The following SRGAP3 variants were observed in gnomAD, a reference collection of about 807,000 sequenced individuals.
The protein encoded by SRGAP3 is SLIT-ROBO Rho GTPase-activating protein 3.
A neutral mutation model predicts 121.1 loss-of-function variants in SRGAP3; 39 were observed. The ratio of observed to expected loss-of-function variants is 0.32; its 90% CI spans 0.25 to 0.42. The LOEUF (loss-of-function observed/expected upper bound fraction) is 0.42, where lower values mean the gene tolerates loss of function less well. SRGAP3 is among the 10% of genes least tolerant of loss of function. The pLI, the probability that SRGAP3 is intolerant of heterozygous loss-of-function variation, is 1.00. For missense variants in SRGAP3, 1,213 were observed against 1,470.6 expected, an observed-to-expected ratio of 0.82 and a Z score of 2.86; for synonymous variants, 601 against 570.0, an observed-to-expected ratio of 1.05 and a Z score of -0.77.
intron 4 of SRGAP3, among the ~76,000 whole-genome samples, chr3:9,065,090 A>G (rs1399415881): frequency 6.6e-6 from 1 of 152,132 alleles, no homozygotes; most frequent in Non-Finnish European, 1.5e-5. Flanking sequence ...TCCTTCTTAC[A>G]CACAAATCAT....
intron 1 of SRGAP3, among the ~76,000 whole-genome samples, chr3:9,246,796 G>A (rs900428689): frequency 2.0e-5 from 3 of 152,162 alleles, no homozygotes; most frequent in African/African-American, 7.2e-5. Context: ...AATTCTAAAG[G>A]AATAAGATGT....
intron 1 of SRGAP3, among the ~76,000 whole-genome samples, chr3:9,221,750 C>T (rs1468159488): frequency 6.6e-6 from 1 of 152,152 alleles, no homozygotes; most frequent in Non-Finnish European, 1.5e-5. Context: ...CTGACAAGGT[C>T]AGTCCACACA....
intron 18 of SRGAP3, among the ~76,000 whole-genome samples, chr3:9,005,389 T>C (rs183064700): frequency 1.7e-3 from 252 of 152,338 alleles, no homozygotes; most frequent in Non-Finnish European, 2.8e-3. Context: ...ATGACTGACA[T>C]AGAGTTAGCA....
chr3:9,317,509 C>T (rs527286600), intron 3 of SRGAP3, among the ~76,000 whole-genome samples: 22 of 152,350 alleles, frequency 1.4e-4, no homozygotes, highest in African/African-American at 5.0e-4. Context: ...TGGGTAAAAT[C>T]AGAAGCTCTC....
upstream of SRGAP3, among the ~76,000 whole-genome samples, chr3:9,250,899 G>A (rs538746252): frequency 3.3e-5 from 5 of 152,316 alleles, no homozygotes; most frequent in East Asian, 1.9e-4. Flanking sequence ...CTAAAGAGTC[G>A]CTGATCACTG....
rs956621501 is a variant in SRGAP3 at position 9,070,780 on chromosome 3, T to C, written c.487-6199A>G. Among the ~76,000 whole-genome samples the C allele has an allele frequency of 8.5e-5, 13 of 152,312 alleles. No individual in the cohort carries two copies. In the East Asian group the frequency reaches 1.7e-3, roughly 20 times the overall value. ...TGTACCATCAATCATTAAATATTTATTGAGCAGTTCATTATGTGCCAGGTA... is the reference window on the plus strand; with the variant it reads ...TGTACCATCAATCATTAAATATTTACTGAGCAGTTCATTATGTGCCAGGTA... On this transcript the variant is annotated intron_variant, in intron 4 of 21. Coordinates refer to ENST00000383836, the MANE Select transcript of SRGAP3 (RefSeq NM_014850.4).
chr3:9,361,732 G>C (rs560814654), intron 1 of SRGAP3, among the ~76,000 whole-genome samples: 3 of 152,262 alleles, frequency 2.0e-5, no homozygotes, highest in African/African-American at 7.2e-5. Flanking sequence ...CCACCAGCCT[G>C]ATGCTGACCC....
chr3:9,010,868 G>A (rs1178967529), intron 17 of SRGAP3, among the ~76,000 whole-genome samples: 1 of 152,166 alleles, frequency 6.6e-6, no homozygotes, highest in Admixed American at 6.5e-5. Flanking sequence ...GCATGCAAAA[G>A]CCCCGACTGA....
At chr3:9,184,093 C>G (rs1951520637) in intron 1 of SRGAP3, among the ~76,000 whole-genome samples, 1 of 152,184 alleles carries the variant, frequency 6.6e-6, no homozygotes, top group Non-Finnish European at 1.5e-5. Context: ...GGAGTCCCCT[C>G]TGTAAAGGGG....
At chr3:9,093,399 A>G (rs924471525) in intron 3 of SRGAP3, among the ~76,000 whole-genome samples, 2 of 151,846 alleles carry the variant, frequency 1.3e-5, no homozygotes. Flanking sequence ...ATACTCACCC[A>G]CCCATCCATT....
intron 10 of SRGAP3, among the ~76,000 whole-genome samples, chr3:9,041,641 C>T (rs549298104): frequency 6.6e-6 from 1 of 152,362 alleles, no homozygotes; most frequent in Non-Finnish European, 1.5e-5. Flanking sequence ...CTAGATCTCA[C>T]TCACCAACTA....
chr3:9,150,360 G>A (rs887029932), intron 1 of SRGAP3, among the ~76,000 whole-genome samples: 4 of 151,844 alleles, frequency 2.6e-5, no homozygotes, highest in Admixed American at 2.0e-4. Flanking sequence ...GAGGAAAAGG[G>A]AGCCTGGAGA....
chr3:9,024,858 CA>C (rs971586433), intron 14 of SRGAP3, among the ~76,000 whole-genome samples: 111 of 152,298 alleles, frequency 7.3e-4, no homozygotes, highest in African/African-American at 2.6e-3. Flanking sequence ...GAGCTCTTTA[CA>C]AGGTGCCCTT....
At chr3:9,242,659 A>G (rs1279281853) in intron 1 of SRGAP3, among the ~76,000 whole-genome samples, 2 of 152,206 alleles carry the variant, frequency 1.3e-5, no homozygotes, top group Non-Finnish European at 2.9e-5. Context: ...AAACAAAACA[A>G]AAACACTGAG....
intron 3 of SRGAP3, among the ~76,000 whole-genome samples, chr3:9,282,797 G>T (rs914825645): frequency 2.0e-5 from 3 of 151,814 alleles, no homozygotes; most frequent in African/African-American, 7.3e-5. Flanking sequence ...ATATTGTTTT[G>T]ATTGAATAAG....
chr3:9,093,943 C>T (rs1039018882), intron 3 of SRGAP3, among the ~76,000 whole-genome samples: 1 of 152,222 alleles, frequency 6.6e-6, no homozygotes, highest in Non-Finnish European at 1.5e-5. Context: ...ACATCTAAAA[C>T]ATGCAGAAAA....
intron 1 of SRGAP3, among the ~76,000 whole-genome samples, chr3:9,130,952 T>C (rs1445633429): frequency 6.6e-6 from 1 of 152,150 alleles, no homozygotes; most frequent in Non-Finnish European, 1.5e-5. Flanking sequence ...GGCTGGGCTG[T>C]GCATGGAACC....
At chr3:9,045,583 C>G (rs1375910874) in intron 10 of SRGAP3, among the ~76,000 whole-genome samples, 1 of 151,838 alleles carries the variant, frequency 6.6e-6, no homozygotes, top group East Asian at 1.9e-4. Flanking sequence ...GAGTTGGGAA[C>G]ACAAAGCAAG....
intron 6 of SRGAP3, chr3:9,058,812 C>T (rs999326476): frequency 4.2e-5 from 12 of 289,108 alleles, no homozygotes; most frequent in East Asian, 2.4e-4. Context: ...CTCCGCCTCC[C>T]GGGTTCAATC....
Sources: gnomAD v4.1 joint callset for allele counts (sites outside exome capture counted in the v4.1 genomes callset) on GRCh38, gnomAD v4.1.1 for gene constraint, MANE v1.5 for transcripts, NCBI Gene and HGNC (gene_info 2026-07-23, HGNC 2026-07-21) for gene names.